The following MKRN1 variants were observed in gnomAD, a reference collection of about 807,000 sequenced individuals.
MKRN1 encodes makorin ring finger protein 1.
In MKRN1, 9 loss-of-function variants were observed where a neutral mutation model predicts 55.5. That is an observed-to-expected ratio of 0.16 (90% CI 0.10 to 0.28). MKRN1 has a LOEUF of 0.28. MKRN1 is among the 10% of genes least tolerant of loss of function. The probability of loss-of-function intolerance (pLI) is 1.00; values close to 1 mark genes in which losing one functional copy is unlikely to be tolerated. For missense variants in MKRN1, 488 were observed against 626.7 expected, an observed-to-expected ratio of 0.78 and a Z score of 2.36; for synonymous variants, 253 against 235.9, an observed-to-expected ratio of 1.07 and a Z score of -0.66.
rs749788549 is a variant in MKRN1, at chr7:140,459,059, C to T, written c.719G>A (p.Gly240Glu). ...YLHGDSCDMCGLQVLHPMDAA... is the reference protein window; with the variant it reads ...YLHGDSCDMCELQVLHPMDAA... The stretch of plus-strand genomic sequence containing the variant: ...ATCCATTGGATGCAGGACCTGCAGC[C>T]CACACATGTCACAAGAATCTCCGTG... Residue 240 changes from glycine to glutamate, a missense_variant, in exon 4 of 8, where the codon GGG becomes GAG. Gly to Glu is a moderately conservative substitution (Grantham distance 98, BLOSUM62 -2). Coordinates refer to ENST00000255977, the MANE Select transcript of MKRN1 (RefSeq NM_013446.4). 3 of 1,613,934 alleles carry T rather than the reference C, an allele frequency of 1.9e-6. No individual in the cohort carries two copies. The highest frequency in any genetic ancestry group is 2.5e-6 in the Non-Finnish European group (3 of 1,179,878).
chr7:140,479,420 C>A lies in MKRN1; in HGVS notation c.-76G>T, dbSNP rs550884706. The A allele has an allele frequency of 1.6e-6, 2 of 1,247,252 alleles. No homozygotes were observed. The highest frequency in any genetic ancestry group is 4.2e-5 in the Admixed American group (1 of 23,716). The allele number at this position is 1,247,252 out of a possible 1,614,324, so 77.3% of individuals were successfully genotyped here. On this transcript the variant is annotated 5_prime_UTR_variant, in exon 1 of 8. Transcript: ENST00000255977. ...TTCCGGTCCGGCTGCGGGGAGAGGA[C>A]GGCGAGGCCAGGCGAGGGGAGGGGA...
intron 2 of MKRN1, among the ~76,000 whole-genome samples, chr7:140,470,878 C>G (rs773239169): frequency 6.6e-6 from 1 of 152,066 alleles, no homozygotes; most frequent in Non-Finnish European, 1.5e-5. Flanking sequence ...GATCTTGCCA[C>G]TGCACTCCAG....
In MKRN1 at chr7:140,454,038, AAC is replaced by A. The variant is rs1794400341; in HGVS notation, c.*477_*478del. The A allele has an allele frequency of 5.4e-6, 1 of 185,338 alleles. No homozygotes were observed. Among genetic ancestry groups the A allele is most frequent in the Non-Finnish European group, 1.2e-5 (1 of 85,594 alleles). 11.5% of individuals were successfully genotyped at this position (185,338 alleles called of 1,614,324 possible). On this transcript the variant is annotated 3_prime_UTR_variant, in exon 8 of 8. Coordinates refer to ENST00000255977, the MANE Select transcript of MKRN1 (RefSeq NM_013446.4). ...TTACAGGGTAGGGAACAGATATAAA[AAC>A]ACAGATGTGCAGATTTCACCAGAAA... is the stretch of plus-strand genomic sequence containing the variant.
Position 140,476,545 on chromosome 7 carries a change from G to GTT in MKRN1, c.185+2613_185+2614dup, listed in dbSNP as rs72087358. Among the ~76,000 whole-genome samples, 678 of 125,938 alleles carry GTT rather than the reference G, an allele frequency of 5.4e-3. 10 individuals are homozygous for GTT. The highest frequency in any genetic ancestry group is 0.019 in the African/African-American group (631 of 32,522). The allele number at this position is 125,938 out of a possible 152,430, so 82.6% of individuals were successfully genotyped here. A position where few individuals can be genotyped will look rare whatever the true frequency, so the allele number is the denominator to read the frequency against. On this transcript the variant is annotated intron_variant, in intron 1 of 7. Transcript: ENST00000255977. The stretch of plus-strand genomic sequence containing the variant: ...TTGTCTTTGGTAATTTACAAGTTTT[G>GTT]TTTTTTTTTTTTTTAATGAAAGCAG...
At position 140,474,876 on chromosome 7, in the gene MKRN1, G is replaced by A. The variant is rs190603494; in HGVS notation, c.186-2865C>T. 8.3e-3 allele frequency among the ~76,000 whole-genome samples: 1,266 copies of A among 151,650 alleles called. 15 individuals are homozygous for A. Among genetic ancestry groups the A allele is most frequent in the Middle Eastern group, 0.024 (7 of 294 alleles). On this transcript the variant is annotated intron_variant, in intron 1 of 7. Coordinates refer to ENST00000255977, the MANE Select transcript of MKRN1 (RefSeq NM_013446.4). The stretch of plus-strand genomic sequence containing the variant: ...TGGGATTACAGGTGCCCGCCACCAC[G>A]CCCAGCTAATTTTTGTATTTTTAGT...
intron 1 of MKRN1, chr7:140,473,107 A>G (rs1795823951): frequency 4.9e-5 from 17 of 343,870 alleles, no homozygotes; most frequent in South Asian, 3.9e-4. Context: ...AAAAAGAAAA[A>G]GAAAAAGAAA....
chr7:140,469,101 C>T (rs1434583539), intron 2 of MKRN1, among the ~76,000 whole-genome samples: 1 of 151,714 alleles, frequency 6.6e-6, no homozygotes, highest in East Asian at 1.9e-4. Flanking sequence ...CTGAGGCTGG[C>T]GGATCACGAG....
At chr7:140,470,054 A>AT (rs1266774371) in intron 2 of MKRN1, among the ~76,000 whole-genome samples, 3,579 of 138,142 alleles carry the variant, frequency 0.026, 186 homozygotes, top group African/African-American at 0.11. Flanking sequence ...CTCAAAAAAA[A>AT]AAAAAAAAAA....
chr7:140,475,466 C>T (rs1431223956), intron 1 of MKRN1: 1 of 235,454 alleles, frequency 4.2e-6, no homozygotes, highest in South Asian at 3.8e-5. Context: ...TCAAGACCAG[C>T]CTAGGCAACA....
chr7:140,459,668 C>CAG, intron 3 of MKRN1, 39 bp downstream of exon 3: 1 of 1,576,466 alleles, frequency 6.3e-7, no homozygotes. Flanking sequence ...AACTGCTATC[C>CAG]AGCCCTCTAA....
At chr7:140,467,450 G>T (rs187090120) in intron 2 of MKRN1, among the ~76,000 whole-genome samples, 2 of 151,806 alleles carry the variant, frequency 1.3e-5, no homozygotes, top group African/African-American at 2.4e-5. Context: ...GCTAATTTTT[G>T]TATTTTCAGT....
rs374250184 is a variant in MKRN1, at chr7:140,459,723, T to C, written c.528A>G (p.Gln176=). The change falls in exon 3 of 8, where the codon CAA becomes CAG. Residue 176 remains glutamine, a synonymous_variant. Coordinates refer to ENST00000255977, the MANE Select transcript of MKRN1 (RefSeq NM_013446.4). ...WVNAIEFVPG[Q]PYCGRTAPSC... is the part of the protein sequence containing the mutation. ...AATACTTACTACGGCCACAGTAGGGTTGCCCAGGAACAAACTCAATAGCAT... is the reference window on the plus strand; with the variant it reads ...AATACTTACTACGGCCACAGTAGGGCTGCCCAGGAACAAACTCAATAGCAT... 2.2e-5 allele frequency: 36 copies of C among 1,613,764 alleles called. No individual in the cohort carries two copies. The highest frequency in any genetic ancestry group is 4.4e-5 in the South Asian group (4 of 91,076).
At chr7:140,454,834 A>G in intron 7 of MKRN1, 105 bp from the exon 8 acceptor site, 4 of 1,225,458 alleles carry the variant, frequency 3.3e-6, no homozygotes, top group Non-Finnish European at 4.7e-6. Flanking sequence ...ATGACGAACC[A>G]GACTTCTTAG....
Position 140,471,913 on chromosome 7 carries a change from C to T in MKRN1, c.284G>A (p.Arg95Gln), listed in dbSNP as rs145220948. 4 of 1,614,020 alleles carry T rather than the reference C, an allele frequency of 2.5e-6. No individual in the cohort carries two copies. The highest frequency in any genetic ancestry group is 1.7e-4 in the Middle Eastern group (1 of 6,056). The change falls in exon 2 of 8, where the codon CGA (arginine) becomes CAA (glutamine). Residue 95 changes from arginine to glutamine, a missense_variant. This residue lies in a region of MKRN1 where 210 missense variants were observed against 220.0 expected (regional missense o/e 0.95). Transcript: ENST00000255977. The part of the protein sequence containing the change: ...PYSVVCKYFQ[R>Q]GYCIYGDRCR... Reference sequence around the variant, plus strand: ...GCGGTCTCCATAAATACAGTACCCTCGCTGAAAATACTTGCACACTACACT... The same window carrying T: ...GCGGTCTCCATAAATACAGTACCCTTGCTGAAAATACTTGCACACTACACT...
rs761670884 is a variant in MKRN1, at chr7:140,459,253, TG to T, written c.545-21del. The T allele has an allele frequency of 1.9e-6, 3 of 1,611,872 alleles. No individual in the cohort carries two copies. The South Asian group carries it at 3.3e-5, about 18-fold the overall frequency. On this transcript the variant is annotated intron_variant, in intron 3 of 7. Coordinates refer to ENST00000255977, the MANE Select transcript of MKRN1 (RefSeq NM_013446.4). ...GCGCAGCTGAAAATGTGTAAGAGGG[TG>T]GTAAAGGTCCAAATAGATAAGGCAT...
At position 140,459,817 on chromosome 7, in the gene MKRN1, T is replaced by A; in HGVS notation, c.434A>T (p.Asn145Ile). The stretch of plus-strand genomic sequence containing the variant: ...ATTTCTTGACTCAGCTTCGCCTGTA[T>A]TCATTTCAACAAGTGGTCCAACTAT... ...SSIVGPLVEM[N>I]TGEAESRNSN... Residue 145 changes from asparagine to isoleucine, a missense_variant, in exon 3 of 8, where the codon AAT becomes ATT. By Grantham distance (149) the Asn-to-Ile change is moderately radical. Coordinates refer to ENST00000255977, the MANE Select transcript of MKRN1 (RefSeq NM_013446.4). 6.2e-7 allele frequency: 1 copy of A among 1,614,008 alleles called. No homozygotes were observed. Among genetic ancestry groups the A allele is most frequent in the Non-Finnish European group, 8.5e-7 (1 of 1,179,868 alleles).
At chr7:140,463,817 G>A (rs976044902) in intron 2 of MKRN1, among the ~76,000 whole-genome samples, 4 of 152,114 alleles carry the variant, frequency 2.6e-5, no homozygotes, top group Non-Finnish European at 5.9e-5. Context: ...CCTGGGAGGC[G>A]GAGCTTCCAG....
In MKRN1 at chr7:140,454,425, T is replaced by C; in HGVS notation, c.*92A>G. On this transcript the variant is annotated 3_prime_UTR_variant, in exon 8 of 8. Coordinates refer to ENST00000255977, the MANE Select transcript of MKRN1 (RefSeq NM_013446.4). The stretch of plus-strand genomic sequence containing the variant: ...GGACAGCACCTGGAGTTGAGAGGCC[T>C]GCCTAGGAGAGAACACAGGCACTGC... 1.6e-6 allele frequency: 2 copies of C among 1,281,022 alleles called. No individual in the cohort carries two copies. Among genetic ancestry groups the C allele is most frequent in the Non-Finnish European group, 2.2e-6 (2 of 904,226 alleles). 79.4% of individuals were successfully genotyped at this position (1,281,022 alleles called of 1,614,324 possible). A position where few individuals can be genotyped will look rare whatever the true frequency, so the allele number is the denominator to read the frequency against.
At chr7:140,462,283 C>A (rs957654211) in intron 2 of MKRN1, among the ~76,000 whole-genome samples, 7 of 152,208 alleles carry the variant, frequency 4.6e-5, no homozygotes, top group African/African-American at 1.7e-4. Context: ...CCTGCCTTAG[C>A]CTCCCAAAGT....
Sources: gnomAD v4.1 joint callset for allele counts (sites outside exome capture counted in the v4.1 genomes callset) on GRCh38, gnomAD v4.1.1 for gene constraint, gnomAD v4.1.1 regional missense constraint, MANE v1.5 for transcripts, NCBI Gene and HGNC (gene_info 2026-07-23, HGNC 2026-07-21) for gene names.